The following TDRD5 variants were observed in gnomAD, a reference collection of about 807,000 sequenced individuals.
TDRD5 encodes the protein tudor domain-containing protein 5.
In TDRD5, 41 loss-of-function variants were observed where a neutral mutation model predicts 120.6. The observed-to-expected ratio is 0.34, with a 90% confidence interval of 0.26 to 0.44. The LOEUF is 0.44. Ranked by LOEUF, TDRD5 falls within the 20% of genes least tolerant of loss-of-function variation. TDRD5 has a pLI of 1.00. For synonymous variants in TDRD5, 430 were observed against 433.7 expected (o/e 0.99, Z 0.11); for missense variants, 1,006 against 1,221.2 (o/e 0.82, Z 2.63).
At chr1:179,647,455 G>A (rs1334107372) in intron 11 of TDRD5, among the ~76,000 whole-genome samples, 3 of 151,996 alleles carry the variant, frequency 2.0e-5, no homozygotes, top group Non-Finnish European at 4.4e-5. Context: ...TCAATTCAAG[G>A]TGGATTAAAG....
chr1:179,604,493 G>A (rs6678132), intron 4 of TDRD5, among the ~76,000 whole-genome samples: 12,649 of 151,890 alleles, frequency 0.083, 596 homozygotes, highest in Middle Eastern at 0.11. Flanking sequence ...TGCTCTTTCA[G>A]CCTTTTTGAT....
chr1:179,642,707 G>T (rs1678121227), intron 11 of TDRD5, among the ~76,000 whole-genome samples: 1 of 152,162 alleles, frequency 6.6e-6, no homozygotes, highest in Non-Finnish European at 1.5e-5. Context: ...AATCTCCAGT[G>T]CCCAGAGTAA....
At chr1:179,649,987 A>G (rs538135034) in intron 11 of TDRD5, among the ~76,000 whole-genome samples, 1 of 152,308 alleles carries the variant, frequency 6.6e-6, no homozygotes, top group Admixed American at 6.5e-5. Flanking sequence ...TATGTGAAGG[A>G]TAATTTATTT....
At chr1:179,594,961 C>A (rs1675307658) in intron 3 of TDRD5, among the ~76,000 whole-genome samples, 1 of 152,152 alleles carries the variant, frequency 6.6e-6, no homozygotes, top group Non-Finnish European at 1.5e-5. Context: ...GGTGAATATT[C>A]CTTTCCAGTG....
chr1:179,613,842 A>G (rs558877689), intron 4 of TDRD5, among the ~76,000 whole-genome samples: 1 of 152,336 alleles, frequency 6.6e-6, no homozygotes, highest in South Asian at 2.1e-4. Context: ...CATCTATACT[A>G]TAGCATATAC....
chr1:179,621,120 A>T (rs1676820345), intron 6 of TDRD5, 29 bp downstream of exon 6: 1 of 1,574,946 alleles, frequency 6.3e-7, no homozygotes, highest in South Asian at 1.2e-5. Flanking sequence ...CCCAACCCTA[A>T]TTTTTTATGG....
At position 179,630,803 on chromosome 1, in the gene TDRD5, G is replaced by A; in HGVS notation, c.1009G>A (p.Gly337Ser). 2 of 1,613,386 alleles carry A rather than the reference G, an allele frequency of 1.2e-6. No individual in the cohort carries two copies. Among genetic ancestry groups the A allele is most frequent in the Non-Finnish European group, 8.5e-7 (1 of 1,179,800 alleles). ...FKEQLSPKKL[G>S]FLNVTELVGA... is the part of the protein sequence containing the mutation. Reference sequence around the variant, plus strand: ...AGAGCAACTATCACCAAAAAAATTAGGCTTCTTAAATGTGACAGAACTTGT... The same window carrying A: ...AGAGCAACTATCACCAAAAAAATTAAGCTTCTTAAATGTGACAGAACTTGT... Residue 337 changes from glycine to serine, a missense_variant, in exon 7 of 18, where the codon GGC becomes AGC. Gly to Ser is a moderately conservative substitution (Grantham distance 56). This residue lies in a region of TDRD5 where 445 missense variants were observed against 515.5 expected (regional missense o/e 0.86). Transcript: ENST00000444136.
At chr1:179,610,999 GTTTTC>G (rs1676247035) in intron 4 of TDRD5, among the ~76,000 whole-genome samples, 1 of 149,872 alleles carries the variant, frequency 6.7e-6, no homozygotes, top group Non-Finnish European at 1.5e-5. Flanking sequence ...CAGATATTTA[GTTTTC>G]TTTATTAGAG....
intron 17 of TDRD5, among the ~76,000 whole-genome samples, chr1:179,669,670 TAGTTCTTTG>T (rs1679751889): frequency 6.6e-6 from 1 of 151,868 alleles, no homozygotes. Context: ...GTCAAGTGTA[TAGTTCTTTG>T]AGTTTCGACA....
At chr1:179,606,642 G>T (rs2101932861) in intron 4 of TDRD5, among the ~76,000 whole-genome samples, 1 of 152,066 alleles carries the variant, frequency 6.6e-6, no homozygotes, top group Admixed American at 6.5e-5. Flanking sequence ...TGTGTGTGTG[G>T]GGTCGTTTTT....
At chr1:179,639,142 C>T (rs1189036134) in intron 9 of TDRD5, among the ~76,000 whole-genome samples, 1 of 152,154 alleles carries the variant, frequency 6.6e-6, no homozygotes, top group Non-Finnish European at 1.5e-5. Context: ...ATAGCAAGAA[C>T]AATAGCTAAT....
chr1:179,633,444 C>A (rs1042942195), intron 7 of TDRD5, among the ~76,000 whole-genome samples: 2 of 151,946 alleles, frequency 1.3e-5, no homozygotes, highest in African/African-American at 4.8e-5. Context: ...CTCCGCCTCC[C>A]AGGTTCAAGT....
intron 4 of TDRD5, among the ~76,000 whole-genome samples, chr1:179,603,009 G>C (rs1675798258): frequency 6.6e-6 from 1 of 152,172 alleles, no homozygotes; most frequent in South Asian, 2.1e-4. Flanking sequence ...CCATCCATGA[G>C]CATGGGATGT....
rs777280464 is a variant in TDRD5, at chr1:179,635,685, T to G, written c.1318T>G (p.Ser440Ala). The G allele has an allele frequency of 6.2e-7, 1 of 1,613,826 alleles. No individual in the cohort carries two copies. The highest frequency in any genetic ancestry group is 8.5e-7 in the Non-Finnish European group (1 of 1,179,946). The change falls in exon 9 of 18, where the codon TCA (serine) becomes GCA (alanine). Residue 440 changes from serine (S) to alanine (A), a missense_variant. By Grantham distance (99) the Ser-to-Ala change is moderately conservative. Around this residue, in one of 3 missense-constraint regions of TDRD5, gnomAD observed 445 missense variants for 515.5 expected, o/e 0.86. Coordinates refer to ENST00000444136, the MANE Select transcript of TDRD5 (RefSeq NM_001199085.3). ...CTTATAGCAAGTAGAAACAAACAAATCAGAGCTCAACTTGGCAATGGCAAA... is the reference window on the plus strand; with the variant it reads ...CTTATAGCAAGTAGAAACAAACAAAGCAGAGCTCAACTTGGCAATGGCAAA... ...PLQLQVETNK[S>A]ELNLAMANHD...
intron 15 of TDRD5, 55 bp downstream of exon 15, chr1:179,662,341 CT>C: frequency 6.4e-7 from 1 of 1,551,278 alleles, no homozygotes; most frequent in Non-Finnish European, 8.7e-7. Flanking sequence ...CGGCTCAAGC[CT>C]GTAATCCTAG....
intron 17 of TDRD5, among the ~76,000 whole-genome samples, chr1:179,686,891 C>T (rs1680749148): frequency 6.6e-6 from 1 of 151,708 alleles, no homozygotes; most frequent in Non-Finnish European, 1.5e-5. Flanking sequence ...TGGTGATAGC[C>T]CCTTTATCAT....
At chr1:179,591,691 A>G, upstream of TDRD5, 1 of 152,312 alleles carries the variant, frequency 6.6e-6, no homozygotes, top group East Asian at 1.9e-4. Context: ...AGCCGGGCCC[A>G]GCGGCTCCTG....
intron 17 of TDRD5, among the ~76,000 whole-genome samples, chr1:179,672,103 A>T (rs1386596546): frequency 6.6e-6 from 1 of 151,816 alleles, no homozygotes; most frequent in Non-Finnish European, 1.5e-5. Flanking sequence ...TCTTTTTCGT[A>T]TAATGACTTC....
At chr1:179,642,020 T>G (rs73037612) in intron 11 of TDRD5, among the ~76,000 whole-genome samples, 5,870 of 152,252 alleles carry the variant, frequency 0.039, 293 homozygotes, top group African/African-American at 0.1. Context: ...TTGTAGCCAG[T>G]GTTCATTACT....
Sources: allele counts gnomAD v4.1 joint callset (sites outside exome capture counted in the v4.1 genomes callset), GRCh38; gene constraint gnomAD v4.1.1; regional missense constraint gnomAD v4.1.1; transcripts MANE v1.5; gene names NCBI Gene and HGNC (gene_info 2026-07-23, HGNC 2026-07-21).